Variants in DTWD2 observed in about 807,000 individuals in gnomAD.
The protein encoded by DTWD2 is DTW motif tRNA-uridine aminocarboxypropyltransferase 2, also known as tRNA-uridine aminocarboxypropyltransferase 2.
A neutral mutation model predicts 31.8 loss-of-function variants in DTWD2; 39 were observed. The observed-to-expected ratio is 1.22, with a 90% CI of 0.95 to 1.60. DTWD2 has a LOEUF of 1.60. Among genes scored for constraint, DTWD2 ranks in the 40% most tolerant of loss-of-function variants. DTWD2 has a pLI of 0.00. For missense variants in DTWD2, 515 were observed against 381.5 expected, an observed-to-expected ratio of 1.35 and a Z score of -2.92; for synonymous variants, 180 against 142.8, an observed-to-expected ratio of 1.26 and a Z score of -1.86.
chr5:118,983,319 G>T (rs1376152206), intron 1 of DTWD2, among the ~76,000 whole-genome samples: 7 of 152,194 alleles, frequency 4.6e-5, no homozygotes, highest in Non-Finnish European at 1.0e-4. Context: ...GAAGCTGTCA[G>T]ATCTTCCCAC....
intron 4 of DTWD2, among the ~76,000 whole-genome samples, chr5:118,867,109 C>T (rs1024201602): frequency 2.6e-5 from 4 of 151,656 alleles, no homozygotes; most frequent in African/African-American, 9.7e-5. Flanking sequence ...TACAAAAATA[C>T]ATTAAAAACT....
At chr5:118,983,321 T>C (rs1755349338) in intron 1 of DTWD2, among the ~76,000 whole-genome samples, 1 of 152,222 alleles carries the variant, frequency 6.6e-6, no homozygotes. Context: ...AGCTGTCAGA[T>C]CTTCCCACTG....
chr5:118,920,727 C>T (rs569097499), intron 4 of DTWD2, among the ~76,000 whole-genome samples: 1 of 152,134 alleles, frequency 6.6e-6, no homozygotes, highest in African/African-American at 2.4e-5. Context: ...CAGGATACTA[C>T]TTAGAAATAT....
chr5:118,919,259 G>A (rs1753648329), intron 4 of DTWD2, among the ~76,000 whole-genome samples: 1 of 152,216 alleles, frequency 6.6e-6, no homozygotes, highest in Non-Finnish European at 1.5e-5. Context: ...ATTATCAAAT[G>A]CAGAGCTTAC....
chr5:118,900,616 C>G (rs1753183299), intron 4 of DTWD2, among the ~76,000 whole-genome samples: 1 of 151,982 alleles, frequency 6.6e-6, no homozygotes, highest in African/African-American at 2.4e-5. Context: ...AAACTAAAAC[C>G]AGTGATGAAA....
intron 1 of DTWD2, among the ~76,000 whole-genome samples, chr5:118,947,752 C>T (rs989353498): frequency 2.0e-5 from 3 of 152,162 alleles, no homozygotes; most frequent in Admixed American, 6.5e-5. Context: ...AATTTCTCTG[C>T]CTCCTGTTCC....
chr5:118,871,189 T>C (rs1752496528), intron 4 of DTWD2, among the ~76,000 whole-genome samples: 1 of 152,192 alleles, frequency 6.6e-6, no homozygotes, highest in Admixed American at 6.5e-5. Flanking sequence ...ATTTGCATCT[T>C]TAGGTTCCAC....
At chr5:118,961,405 A>C (rs1371370824) in intron 1 of DTWD2, among the ~76,000 whole-genome samples, 1 of 152,198 alleles carries the variant, frequency 6.6e-6, no homozygotes, top group Admixed American at 6.5e-5. Flanking sequence ...AGTTTGTCTT[A>C]AATATTACTT....
chr5:118,952,429 G>A (rs764025584), intron 1 of DTWD2, among the ~76,000 whole-genome samples: 3 of 152,140 alleles, frequency 2.0e-5, no homozygotes, highest in Admixed American at 1.3e-4. Flanking sequence ...AGTTGGGTAG[G>A]TAGTGGAAAA....
chr5:118,850,502 A>AAAAAAAAAAAAAAAAAAAAAAAG (rs1751975820), intron 4 of DTWD2, among the ~76,000 whole-genome samples: 1 of 146,644 alleles, frequency 6.8e-6, no homozygotes, highest in Non-Finnish European at 1.5e-5. Context: ...AAAAAAAAAA[A>AAAAAAAAAAAAAAAAAAAAAAAG]AAAAAAAATT....
chr5:118,853,928 G>C (rs1752071447), intron 4 of DTWD2, among the ~76,000 whole-genome samples: 1 of 152,136 alleles, frequency 6.6e-6, no homozygotes, highest in Non-Finnish European at 1.5e-5. Flanking sequence ...AGAAGATGTG[G>C]GGATAAGGAG....
intron 1 of DTWD2, among the ~76,000 whole-genome samples, chr5:118,960,684 G>A (rs1350584418): frequency 9.9e-5 from 15 of 151,994 alleles, no homozygotes; most frequent in Admixed American, 8.5e-4. Context: ...ACCTAAATGA[G>A]CATCAGTGGT....
intron 3 of DTWD2, among the ~76,000 whole-genome samples, chr5:118,931,904 T>C (rs984766156): frequency 1.3e-5 from 2 of 152,086 alleles, no homozygotes; most frequent in African/African-American, 4.8e-5. Context: ...TACAATGGAA[T>C]TAAATTAGAG....
chr5:118,974,555 TAAAAAAAGCAA>T (rs1755100376), intron 1 of DTWD2: 1 of 495,368 alleles, frequency 2.0e-6, no homozygotes, highest in African/African-American at 2.0e-5. Context: ...AAAAACCTTG[TAAAAAAAGCAA>T]AAATGACAAC....
intron 4 of DTWD2, among the ~76,000 whole-genome samples, chr5:118,862,591 T>C (rs542412776): frequency 4.2e-4 from 64 of 152,326 alleles, no homozygotes; most frequent in African/African-American, 1.2e-3. Context: ...ATTATTTACT[T>C]TGAAGAAACA....
intron 1 of DTWD2, among the ~76,000 whole-genome samples, chr5:118,952,057 T>A (rs1462007219): frequency 6.6e-6 from 1 of 151,858 alleles, no homozygotes; most frequent in Non-Finnish European, 1.5e-5. Context: ...GCGCAGAAAT[T>A]GAAAGGAGAA....
chr5:118,975,032 G>T (rs919303235), intron 1 of DTWD2, among the ~76,000 whole-genome samples: 1 of 152,122 alleles, frequency 6.6e-6, no homozygotes, highest in South Asian at 2.1e-4. Flanking sequence ...GAGTATCTTT[G>T]TGGTGTTCTC....
Position 118,939,231 on chromosome 5 carries a change from A to C in DTWD2, c.369T>G (p.Cys123Trp). The change falls in exon 3 of 6, where the codon TGT becomes TGG. Residue 123 changes from cysteine to tryptophan, a missense_variant. Cys to Trp is a radical substitution (Grantham distance 215). Transcript: ENST00000510708. ...LLAACLPQDK[C>W]KVKIGRRFSE... ...TGAAGCGACGACCGATCTTCACTTTACACTTGTCCTGGGGGAGGCATGCTG... is the reference window on the plus strand; with the variant it reads ...TGAAGCGACGACCGATCTTCACTTTCCACTTGTCCTGGGGGAGGCATGCTG... 2 of 1,606,700 alleles carry C rather than the reference A, an allele frequency of 1.2e-6. No individual in the cohort carries two copies. Among genetic ancestry groups the C allele is most frequent in the Non-Finnish European group, 1.7e-6 (2 of 1,176,060 alleles).
intron 4 of DTWD2, among the ~76,000 whole-genome samples, chr5:118,863,348 G>C (rs1752310580): frequency 6.6e-6 from 1 of 152,138 alleles, no homozygotes; most frequent in Admixed American, 6.6e-5. Flanking sequence ...CCTTTCCACT[G>C]TGCATTCTAT....
Sources: gnomAD v4.1 joint callset for allele counts (sites outside exome capture counted in the v4.1 genomes callset) on GRCh38, gnomAD v4.1.1 for gene constraint, MANE v1.5 for transcripts, NCBI Gene and HGNC (gene_info 2026-07-23, HGNC 2026-07-21) for gene names.